Variants in CDH13 observed in about 807,000 individuals in gnomAD.
CDH13 encodes cadherin 13.
In CDH13, 24 loss-of-function variants were observed where a neutral mutation model predicts 63.8. That is an observed-to-expected ratio of 0.38 (90% CI 0.27 to 0.53). CDH13 has a LOEUF of 0.53. Among genes scored for constraint, CDH13 ranks in the 20% least tolerant of loss-of-function variants. CDH13 has a pLI of 0.85. For missense variants in CDH13, 1,049 were observed against 903.1 expected, an observed-to-expected ratio of 1.16 and a Z score of -2.07; for synonymous variants, 503 against 355.3, an observed-to-expected ratio of 1.42 and a Z score of -4.67.
At chr16:82,676,958 G>A (rs11647539) in intron 1 of CDH13, among the ~76,000 whole-genome samples, 118,893 of 152,094 alleles carry the variant, frequency 0.78, 46,602 homozygotes, top group South Asian at 0.85. Flanking sequence ...AGCTCAGCTC[G>A]CTGCAACCTC....
chr16:82,899,989 G>A (rs1404557657), intron 2 of CDH13, among the ~76,000 whole-genome samples: 1 of 152,140 alleles, frequency 6.6e-6, no homozygotes, highest in Non-Finnish European at 1.5e-5. Context: ...ACACGTATGG[G>A]CAGTGAGGTC....
intron 2 of CDH13, among the ~76,000 whole-genome samples, chr16:83,013,711 G>C (rs1334973185): frequency 6.6e-6 from 1 of 152,182 alleles, no homozygotes; most frequent in Non-Finnish European, 1.5e-5. Flanking sequence ...GATCACAAAA[G>C]TCTGATTCAT....
At chr16:83,439,953 A>T (rs966273091) in intron 6 of CDH13, among the ~76,000 whole-genome samples, 2 of 152,212 alleles carry the variant, frequency 1.3e-5, no homozygotes, top group African/African-American at 4.8e-5. Flanking sequence ...TTGGGTGTCA[A>T]ATGTAAAGAA....
intron 1 of CDH13, among the ~76,000 whole-genome samples, chr16:82,775,618 G>A (rs762651447): frequency 3.3e-5 from 5 of 152,144 alleles, no homozygotes; most frequent in Non-Finnish European, 5.9e-5. Context: ...CCTCAGAGAG[G>A]TTAAGTAATG....
intron 2 of CDH13, among the ~76,000 whole-genome samples, chr16:82,947,301 T>C (rs769629835): frequency 6.6e-6 from 1 of 152,158 alleles, no homozygotes; most frequent in Non-Finnish European, 1.5e-5. Flanking sequence ...TATCTACTTA[T>C]TTCTTACACA....
At chr16:83,256,743 G>T (rs1906329228) in intron 5 of CDH13, among the ~76,000 whole-genome samples, 1 of 150,788 alleles carries the variant, frequency 6.6e-6, no homozygotes, top group Admixed American at 6.6e-5. Context: ...TACTTGGGAG[G>T]CTGAGGCAGG....
At chr16:83,081,727 T>A (rs1194244885) in intron 3 of CDH13, among the ~76,000 whole-genome samples, 1 of 151,550 alleles carries the variant, frequency 6.6e-6, no homozygotes, top group African/African-American at 2.4e-5. Context: ...GAGAAAGAGC[T>A]CGCAAGGATC....
chr16:83,072,509 G>A (rs2032514147), intron 3 of CDH13, among the ~76,000 whole-genome samples: 1 of 152,120 alleles, frequency 6.6e-6, no homozygotes, highest in South Asian at 2.1e-4. Flanking sequence ...GCAACCAGCT[G>A]GGAAGAATTT....
intron 6 of CDH13, among the ~76,000 whole-genome samples, chr16:83,431,814 C>T (rs1004473995): frequency 1.3e-5 from 2 of 152,152 alleles, no homozygotes; most frequent in African/African-American, 2.4e-5. Context: ...CTAATCGCCT[C>T]CCGCCAGGCC....
At chr16:83,526,428 C>G (rs1413597980) in intron 7 of CDH13, among the ~76,000 whole-genome samples, 2 of 152,164 alleles carry the variant, frequency 1.3e-5, no homozygotes, top group South Asian at 4.1e-4. Flanking sequence ...CTAAGACCAT[C>G]AGGCATTAGT....
At chr16:83,119,815 C>A (rs537248099) in intron 3 of CDH13, among the ~76,000 whole-genome samples, 1 of 152,274 alleles carries the variant, frequency 6.6e-6, no homozygotes, top group East Asian at 1.9e-4. Flanking sequence ...GCAGAACACA[C>A]AAACTCATTA....
At chr16:83,229,771 C>G (rs766118619) in intron 5 of CDH13, among the ~76,000 whole-genome samples, 1 of 152,106 alleles carries the variant, frequency 6.6e-6, no homozygotes, top group Non-Finnish European at 1.5e-5. Flanking sequence ...TGCAGGCCCA[C>G]GATGAGGGAC....
At chr16:83,180,374 A>T (rs1220059515) in intron 4 of CDH13, among the ~76,000 whole-genome samples, 1 of 152,188 alleles carries the variant, frequency 6.6e-6, no homozygotes, top group Non-Finnish European at 1.5e-5. Context: ...GGTTAGGAAC[A>T]AACAAACTTC....
At chr16:82,747,012 G>T (rs1331968414) in intron 1 of CDH13, among the ~76,000 whole-genome samples, 2 of 152,210 alleles carry the variant, frequency 1.3e-5, no homozygotes, top group African/African-American at 4.8e-5. Context: ...TGAATTGTTA[G>T]ATTGTCTTAG....
At chr16:82,985,082 C>G (rs1221907691) in intron 2 of CDH13, among the ~76,000 whole-genome samples, 1 of 152,150 alleles carries the variant, frequency 6.6e-6, no homozygotes, top group East Asian at 1.9e-4. Flanking sequence ...AATTCAAGAC[C>G]TGTTGAATAA....
chr16:82,746,712 A>G (rs2034192819), intron 1 of CDH13, among the ~76,000 whole-genome samples: 2 of 152,166 alleles, frequency 1.3e-5, no homozygotes, highest in African/African-American at 4.8e-5. Flanking sequence ...CCTAAGACCT[A>G]GAAAAAATTC....
intron 5 of CDH13, among the ~76,000 whole-genome samples, chr16:83,305,893 A>G (rs534334008): frequency 2.1e-4 from 32 of 152,308 alleles, no homozygotes; most frequent in African/African-American, 7.7e-4. Flanking sequence ...AATCTACAAC[A>G]TAGGAATAAT....
intron 1 of CDH13, among the ~76,000 whole-genome samples, chr16:82,822,093 C>A (rs928276722): frequency 7.2e-5 from 11 of 152,254 alleles, no homozygotes; most frequent in African/African-American, 2.4e-4. Flanking sequence ...TATTTGACCT[C>A]GACAGACATT....
chr16:83,513,739 A>G (rs933425947), intron 7 of CDH13, among the ~76,000 whole-genome samples: 1 of 152,154 alleles, frequency 6.6e-6, no homozygotes, highest in Non-Finnish European at 1.5e-5. Context: ...CCCTCCAACA[A>G]CACATGGGGA....
Sources: gnomAD v4.1 joint callset for allele counts (sites outside exome capture counted in the v4.1 genomes callset) on GRCh38, gnomAD v4.1.1 for gene constraint, MANE v1.5 for transcripts, NCBI Gene and HGNC (gene_info 2026-07-23, HGNC 2026-07-21) for gene names.